Variants in HLF observed in about 807,000 individuals in gnomAD.
HLF encodes HLF transcription factor, PAR bZIP family member, also known as hepatic leukemia factor.
HLF carries 3 observed loss-of-function variants against 22.6 expected under a neutral mutation model. The ratio of observed to expected loss-of-function variants is 0.13; its 90% CI spans 0.06 to 0.34. The LOEUF is 0.34. Among genes scored for constraint, HLF ranks in the 10% least tolerant of loss-of-function variants. The pLI is 1.00. For missense variants in HLF, 299 were observed against 389.2 expected (o/e 0.77, Z 1.95); for synonymous variants, 151 against 151.8 (o/e 0.99, Z 0.04).
chr17:55,267,678 A>G (rs2080806385), intron 1 of HLF, 73 bp from the exon 2 acceptor site: 1 of 1,073,558 alleles, frequency 9.3e-7, no homozygotes, highest in African/African-American at 1.6e-5. Context: ...CAGGCCAGGA[A>G]AAGTGATAAA....
At position 55,324,659 on chromosome 17, in the gene HLF, C is replaced by T. The variant is rs777452300; in HGVS notation, c.*3780C>T. 8.6e-6 allele frequency: 2 copies of T among 232,616 alleles called. No individual in the cohort carries two copies. Among genetic ancestry groups the T allele is most frequent in the African/African-American group, 2.2e-5 (1 of 45,284 alleles). 14.4% of individuals were successfully genotyped at this position (232,616 alleles called of 1,614,324 possible). ...ATCACCTTCTGCTCCTAGGTACCCC[C>T]ACTGGCAAGGCCAAGGTCTCCTCCA... On this transcript the variant is annotated 3_prime_UTR_variant, in exon 4 of 4. Transcript: ENST00000226067.
At chr17:55,278,443 C>A (rs940912029) in intron 2 of HLF, among the ~76,000 whole-genome samples, 1 of 152,180 alleles carries the variant, frequency 6.6e-6, no homozygotes, top group African/African-American at 2.4e-5. Flanking sequence ...GCAGGAAAGT[C>A]TCATCACTGC....
chr17:55,287,508 A>G (rs2081016973), intron 2 of HLF, among the ~76,000 whole-genome samples: 1 of 152,238 alleles, frequency 6.6e-6, no homozygotes, highest in Non-Finnish European at 1.5e-5. Context: ...GGAAGTGTTC[A>G]GGGAATGTAA....
chr17:55,265,515 A>C lies in HLF; in HGVS notation c.31A>C (p.Asn11His). 6.2e-7 allele frequency: 1 copy of C among 1,609,248 alleles called. No homozygotes were observed. The highest frequency in any genetic ancestry group is 8.5e-7 in the Non-Finnish European group (1 of 1,177,590). ...GAAAATGTCCCGACCGCTCCCCCTG[A>C]ATCCCACCTTTATCCCGCCTCCCTA... MEKMSRPLPL[N>H]PTFIPPPYGV... The change falls in exon 1 of 4, where the codon AAT becomes CAT. Residue 11 changes from asparagine (N) to histidine (H), a missense_variant. Physicochemically the swap from Asn to His is moderately conservative, Grantham distance 68. This residue lies in a region of HLF where 72 missense variants were observed against 74.0 expected (regional missense o/e 0.97). Transcript: ENST00000226067.
chr17:55,318,060 C>G (rs1486171373), intron 3 of HLF, among the ~76,000 whole-genome samples: 2 of 152,042 alleles, frequency 1.3e-5, no homozygotes, highest in Non-Finnish European at 2.9e-5. Context: ...AACTTGTAGT[C>G]TGGTGAGAAA....
chr17:55,291,653 G>T (rs1275772581), intron 2 of HLF, among the ~76,000 whole-genome samples: 1 of 152,176 alleles, frequency 6.6e-6, no homozygotes, highest in Non-Finnish European at 1.5e-5. Flanking sequence ...TTCAGCCTAT[G>T]GATCAAGGAA....
intron 2 of HLF, among the ~76,000 whole-genome samples, chr17:55,298,377 C>G (rs1267407955): frequency 6.6e-6 from 1 of 152,172 alleles, no homozygotes; most frequent in Non-Finnish European, 1.5e-5. Context: ...GCATGGAACT[C>G]AGAATCTGAT....
Position 55,267,928 on chromosome 17 carries a change from C to G in HLF, c.293C>G (p.Pro98Arg). ...LEEFLSENGIPPSPSQHDHSP... is the reference protein window; with the variant it reads ...LEEFLSENGIRPSPSQHDHSP... Reference sequence around the variant, plus strand: ...GAGTTTTTGTCAGAAAATGGCATTCCCCCCAGCCCATCTCAGCATGACCAC... The same window carrying G: ...GAGTTTTTGTCAGAAAATGGCATTCGCCCCAGCCCATCTCAGCATGACCAC... The change falls in exon 2 of 4, where the codon CCC becomes CGC. Residue 98 changes from proline (P) to arginine (R), a missense_variant. By Grantham distance (103) the Pro-to-Arg change is moderately radical. This residue lies in a region of HLF where 224 missense variants were observed against 298.1 expected (regional missense o/e 0.75). Transcript: ENST00000226067. 6.2e-7 allele frequency: 1 copy of G among 1,614,048 alleles called. No homozygotes were observed. Among genetic ancestry groups the G allele is most frequent in the Non-Finnish European group, 8.5e-7 (1 of 1,180,010 alleles).
chr17:55,275,953 A>G (rs1005334057), intron 2 of HLF, among the ~76,000 whole-genome samples: 6 of 152,154 alleles, frequency 3.9e-5, no homozygotes, highest in African/African-American at 1.4e-4. Context: ...TATTTTTTTA[A>G]AAATATTAGC....
At chr17:55,277,233 TTATGTGTATGTGTGTG>T (rs1219033489) in intron 2 of HLF, among the ~76,000 whole-genome samples, 7 of 138,952 alleles carry the variant, frequency 5.0e-5, no homozygotes, top group African/African-American at 5.8e-5. Context: ...GAACCAGATG[TTATGTGTATGTGTGTG>T]TGTGTGTGTG....
chr17:55,323,179 C>T lies in HLF; in HGVS notation c.*2300C>T, dbSNP rs1567829360. ...AAGAGATGGGGGTGTATTGGAATTG[C>T]AATACATTGTTCAGGTGAATAATAA... On this transcript the variant is annotated 3_prime_UTR_variant, in exon 4 of 4. Transcript: ENST00000226067. 4.6e-6 allele frequency: 1 copy of T among 217,178 alleles called. No individual in the cohort carries two copies. 13.5% of individuals were successfully genotyped at this position (217,178 alleles called of 1,614,324 possible). A position where few individuals can be genotyped will look rare whatever the true frequency, so the allele number is the denominator to read the frequency against.
At chr17:55,281,057 C>G (rs181172952) in intron 2 of HLF, among the ~76,000 whole-genome samples, 30 of 152,264 alleles carry the variant, frequency 2.0e-4, no homozygotes, top group Middle Eastern at 3.4e-3. Flanking sequence ...GTATGTTGTG[C>G]ACTGTACATG....
At chr17:55,310,626 A>G (rs1200260064) in intron 2 of HLF, among the ~76,000 whole-genome samples, 2 of 152,354 alleles carry the variant, frequency 1.3e-5, no homozygotes, top group East Asian at 3.9e-4. Flanking sequence ...AAACCGGCTA[A>G]TGCAGTGAGA....
At chr17:55,308,726 T>C (rs1020087179) in intron 2 of HLF, among the ~76,000 whole-genome samples, 10 of 152,222 alleles carry the variant, frequency 6.6e-5, no homozygotes, top group African/African-American at 2.4e-4. Context: ...CCCTATGCAA[T>C]AACTCAGCTT....
At chr17:55,291,143 G>A (rs899592577) in intron 2 of HLF, among the ~76,000 whole-genome samples, 4 of 152,220 alleles carry the variant, frequency 2.6e-5, no homozygotes, top group African/African-American at 7.2e-5. Flanking sequence ...ACCAAGAAAT[G>A]ATGTAGACAC....
At chr17:55,317,688 T>C (rs1477739131) in intron 3 of HLF, among the ~76,000 whole-genome samples, 1 of 152,224 alleles carries the variant, frequency 6.6e-6, no homozygotes. Context: ...CAGAAAGGTC[T>C]GAGCTAAGGG....
chr17:55,318,247 C>T (rs538792912), intron 3 of HLF, among the ~76,000 whole-genome samples: 150 of 152,286 alleles, frequency 9.8e-4, no homozygotes, highest in Middle Eastern at 3.4e-3. Flanking sequence ...AACCCTTCTG[C>T]GATAACAAAG....
Position 55,323,022 on chromosome 17 carries a change from C to T in HLF, c.*2143C>T. 1 of 221,132 alleles carries T rather than the reference C, an allele frequency of 4.5e-6. No homozygotes were observed. Among genetic ancestry groups the T allele is most frequent in the Non-Finnish European group, 9.1e-6 (1 of 110,414 alleles). 13.7% of individuals were successfully genotyped at this position (221,132 alleles called of 1,614,324 possible). A position where few individuals can be genotyped will look rare whatever the true frequency, so the allele number is the denominator to read the frequency against. ...GTTTCCTGCCTTCAGAGTATCTAAT[C>T]CTTTAATGATCTGGTGGTCTCCTCG... On this transcript the variant is annotated 3_prime_UTR_variant, in exon 4 of 4. Transcript: ENST00000226067.
chr17:55,266,918 C>T (rs2080797303), intron 1 of HLF: 1 of 482,298 alleles, frequency 2.1e-6, no homozygotes, highest in Admixed American at 6.4e-5. Flanking sequence ...TCCAATAGCT[C>T]TGCTTTTGAA....
Sources: gnomAD v4.1 joint callset for allele counts (sites outside exome capture counted in the v4.1 genomes callset) on GRCh38, gnomAD v4.1.1 for gene constraint, gnomAD v4.1.1 regional missense constraint, MANE v1.5 for transcripts, NCBI Gene and HGNC (gene_info 2026-07-23, HGNC 2026-07-21) for gene names.